Variants in CENPC observed in about 807,000 individuals in gnomAD.
CENPC encodes CENP-C 1.
Under a neutral mutation model 112.1 loss-of-function variants are expected in CENPC, and 63 were observed. The observed-to-expected ratio is 0.56, with a 90% CI of 0.46 to 0.69. CENPC has a LOEUF of 0.69. Among genes scored for constraint, CENPC ranks in the 30% least tolerant of loss-of-function variants. The probability of loss-of-function intolerance (pLI) is 0.00; values close to 1 mark genes in which losing one functional copy is unlikely to be tolerated. For missense variants in CENPC, 1,000 were observed against 1,103.8 expected (o/e 0.91, Z 1.33); for synonymous variants, 333 against 367.6 (o/e 0.91, Z 1.08).
rs566634891 is a variant in CENPC at position 67,518,375 on chromosome 4, G to T, written c.618-7C>A. ...TTTATCATCAAAGTTTAACCTAAAA[G>T]GTTAAAAGGAGGGTAAGCTGAATGC... On this transcript the variant is annotated splice_region_variant and splice_polypyrimidine_tract_variant and intron_variant, in intron 6 of 18. Transcript: ENST00000273853. The T allele has an allele frequency of 4.0e-6, 6 of 1,514,520 alleles. No individual in the cohort carries two copies. In the Admixed American group the frequency reaches 9.4e-5, roughly 24 times the overall value. The allele number at this position is 1,514,520 out of a possible 1,614,324, so 93.8% of individuals were successfully genotyped here. A position where few individuals can be genotyped will look rare whatever the true frequency, so the allele number is the denominator to read the frequency against.
At chr4:67,508,715 T>C in intron 10 of CENPC, 99 bp downstream of exon 10, 5 of 1,118,994 alleles carry the variant, frequency 4.5e-6, no homozygotes, top group Admixed American at 2.7e-5. Context: ...TGCAGAGCTC[T>C]TCATGCTAAT....
intron 12 of CENPC, among the ~76,000 whole-genome samples, chr4:67,501,730 T>C (rs1352881343): frequency 6.6e-6 from 1 of 152,188 alleles, no homozygotes; most frequent in South Asian, 2.1e-4. Context: ...CTTGCTGAAA[T>C]ACATTATGGG....
chr4:67,491,707 C>G (rs1334183851), intron 16 of CENPC, among the ~76,000 whole-genome samples: 1 of 151,872 alleles, frequency 6.6e-6, no homozygotes, highest in Non-Finnish European at 1.5e-5. Context: ...GATTGATGCC[C>G]TTGCTAGTCA....
chr4:67,544,374 A>C (rs1726969304), intron 1 of CENPC, among the ~76,000 whole-genome samples, 179 bp from the exon 2 acceptor site: 1 of 152,228 alleles, frequency 6.6e-6, no homozygotes, highest in Non-Finnish European at 1.5e-5. Context: ...TTAAAAACTG[A>C]ACTGCAGGCA....
intron 17 of CENPC, among the ~76,000 whole-genome samples, chr4:67,478,523 G>A (rs920866978): frequency 3.3e-5 from 5 of 151,864 alleles, no homozygotes; most frequent in African/African-American, 1.2e-4. Flanking sequence ...CCACTAACAA[G>A]CCAGCACTAC....
At chr4:67,540,530 C>T (rs1198603437) in intron 3 of CENPC, among the ~76,000 whole-genome samples, 1 of 152,032 alleles carries the variant, frequency 6.6e-6, no homozygotes, top group African/African-American at 2.4e-5. Context: ...ATTAGCCAGG[C>T]GTGGTGGCAC....
chr4:67,499,659 T>C (rs1725536926), intron 12 of CENPC, among the ~76,000 whole-genome samples: 1 of 152,200 alleles, frequency 6.6e-6, no homozygotes, highest in Non-Finnish European at 1.5e-5. Context: ...AGTAAGGCAG[T>C]TTCCCTTTCT....
chr4:67,489,894 T>C, intron 17 of CENPC, 73 bp downstream of exon 17: 1 of 1,244,552 alleles, frequency 8.0e-7, no homozygotes, highest in Non-Finnish European at 1.1e-6. Context: ...AACAGCATTT[T>C]AATGTCTCAT....
At chr4:67,506,263 C>T (rs1338186649) in intron 11 of CENPC, among the ~76,000 whole-genome samples, 1 of 152,144 alleles carries the variant, frequency 6.6e-6, no homozygotes, top group Non-Finnish European at 1.5e-5. Flanking sequence ...ATAGGTGGAG[C>T]CTAATTCCAC....
At chr4:67,495,250 G>C (rs1725398854) in intron 12 of CENPC, 38 bp from the exon 13 acceptor site, 1 of 1,455,894 alleles carries the variant, frequency 6.9e-7, no homozygotes, top group Non-Finnish European at 9.2e-7. Context: ...AGAAATGACT[G>C]CTAATTCCAT....
chr4:67,493,823 T>G, intron 14 of CENPC, 61 bp downstream of exon 14: 1 of 988,416 alleles, frequency 1.0e-6, no homozygotes, highest in Non-Finnish European at 1.6e-6. Flanking sequence ...TGTAGTGCAG[T>G]GTCTGGCACA....
At chr4:67,475,911 T>A (rs1236368941) in intron 17 of CENPC, among the ~76,000 whole-genome samples, 1 of 152,120 alleles carries the variant, frequency 6.6e-6, no homozygotes, top group African/African-American at 2.4e-5. Context: ...GCCATTAAAT[T>A]TGTGATACAG....
chr4:67,518,078 T>C (rs1027407105), intron 7 of CENPC, 78 bp downstream of exon 7: 6 of 731,846 alleles, frequency 8.2e-6, no homozygotes, highest in South Asian at 6.9e-5. Flanking sequence ...CTAAGTTAAA[T>C]AGCATTAGGA....
At position 67,530,254 on chromosome 4, in the gene CENPC, A is replaced by T. The variant is rs371352367; in HGVS notation, c.331+561T>A. Among the ~76,000 whole-genome samples, 22 of 152,216 alleles carry T rather than the reference A, an allele frequency of 1.4e-4. 1 individual carries two copies. The highest frequency in any genetic ancestry group is 1.2e-3 in the East Asian group (6 of 5,202). ...GTGCTCAAACTCTGGCAATCATGGA[A>T]ATGGACACTAAAGTAAAAAGGAGAT... On this transcript the variant is annotated intron_variant, in intron 5 of 18. Coordinates refer to ENST00000273853, the MANE Select transcript of CENPC (RefSeq NM_001812.4).
chr4:67,527,493 C>CTT (rs11317672), intron 5 of CENPC, among the ~76,000 whole-genome samples: 15,583 of 68,236 alleles, frequency 0.23, 2,855 homozygotes, highest in Non-Finnish European at 0.29. Context: ...TCACCCCATC[C>CTT]TTTTTTTTTT....
chr4:67,534,568 T>C (rs1322140470), intron 4 of CENPC, among the ~76,000 whole-genome samples: 1 of 152,204 alleles, frequency 6.6e-6, no homozygotes, highest in East Asian at 1.9e-4. Flanking sequence ...AGTAGGAGCA[T>C]TTAAACTGCA....
chr4:67,542,019 T>C (rs891835546), intron 2 of CENPC, among the ~76,000 whole-genome samples: 5 of 152,224 alleles, frequency 3.3e-5, no homozygotes, highest in Admixed American at 2.6e-4. Flanking sequence ...AATGTACCAA[T>C]ATTTCATTGC....
chr4:67,495,436 C>T (rs115837878), intron 12 of CENPC, among the ~76,000 whole-genome samples: 5,226 of 152,208 alleles, frequency 0.034, 139 homozygotes, highest in Middle Eastern at 0.044. Context: ...TTGTCCAATC[C>T]ACCTTATTTT....
rs566376199 is a variant in CENPC, at chr4:67,512,680, G to T, written c.1445-111C>A. 414 of 718,290 alleles carry T rather than the reference G, an allele frequency of 5.8e-4. 4 individuals are homozygous for T. In the South Asian group the frequency reaches 0.01, roughly 18 times the overall value. 44.5% of individuals were successfully genotyped at this position (718,290 alleles called of 1,614,324 possible). On this transcript the variant is annotated intron_variant, in intron 8 of 18. Coordinates refer to ENST00000273853, the MANE Select transcript of CENPC (RefSeq NM_001812.4). ...TACAGGAACTTCTTAAATTTATCCT[G>T]TGGCCTTTTCATCTCCATTTTTAAA...
Sources: allele counts gnomAD v4.1 joint callset (sites outside exome capture counted in the v4.1 genomes callset), GRCh38; gene constraint gnomAD v4.1.1; transcripts MANE v1.5; gene names NCBI Gene and HGNC (gene_info 2026-07-23, HGNC 2026-07-21).